PAMR1: variants seen among roughly 807,000 people sequenced by gnomAD.
The protein encoded by PAMR1 is inactive serine protease PAMR1.
In PAMR1, 88 loss-of-function variants were observed where a neutral mutation model predicts 81.8. The ratio of observed to expected loss-of-function variants is 1.08; its 90% CI spans 0.91 to 1.28. The LOEUF (loss-of-function observed/expected upper bound fraction) is 1.28, where lower values mean the gene tolerates loss of function less well. Among genes scored for constraint, PAMR1 ranks in the 50% most tolerant of loss-of-function variants. The probability of loss-of-function intolerance (pLI) is 0.00; values close to 1 mark genes in which losing one functional copy is unlikely to be tolerated. For missense variants in PAMR1, 935 were observed against 919.7 expected, an observed-to-expected ratio of 1.02 and a Z score of -0.21; for synonymous variants, 336 against 345.3, an observed-to-expected ratio of 0.97 and a Z score of 0.30.
intron 3 of PAMR1, among the ~76,000 whole-genome samples, chr11:35,479,325 A>G (rs1850339790): frequency 6.6e-6 from 1 of 152,228 alleles, no homozygotes; most frequent in Non-Finnish European, 1.5e-5. Context: ...TGACTCTAAA[A>G]AAGGCCACTA....
At chr11:35,474,306 C>T (rs1850243732) in intron 4 of PAMR1, among the ~76,000 whole-genome samples, 1 of 152,236 alleles carries the variant, frequency 6.6e-6, no homozygotes, top group Non-Finnish European at 1.5e-5. Flanking sequence ...TATTTCTTTA[C>T]ATCCCTCCCA....
chr11:35,511,199 C>T (rs1349299794), intron 1 of PAMR1, among the ~76,000 whole-genome samples: 2 of 152,220 alleles, frequency 1.3e-5, no homozygotes, highest in Admixed American at 1.3e-4. Context: ...ATGTGCTTTA[C>T]AACTATCCAA....
chr11:35,467,823 A>T (rs1438691826), intron 6 of PAMR1, among the ~76,000 whole-genome samples, 178 bp downstream of exon 6: 1 of 152,196 alleles, frequency 6.6e-6, no homozygotes, highest in Non-Finnish European at 1.5e-5. Context: ...GTTGAAGAGA[A>T]CCTGACTCAG....
intron 1 of PAMR1, among the ~76,000 whole-genome samples, chr11:35,496,163 G>A (rs1850723983): frequency 6.6e-6 from 1 of 152,240 alleles, no homozygotes; most frequent in African/African-American, 2.4e-5. Flanking sequence ...GTGAGGAACA[G>A]CAGAAGGAAA....
chr11:35,492,669 A>G (rs1215511940), intron 2 of PAMR1, among the ~76,000 whole-genome samples: 3 of 152,194 alleles, frequency 2.0e-5, no homozygotes, highest in Non-Finnish European at 4.4e-5. Context: ...TTTGAATTTC[A>G]TAATAGACAG....
intron 6 of PAMR1, among the ~76,000 whole-genome samples, chr11:35,456,990 A>G (rs1419141120): frequency 1.3e-5 from 2 of 152,316 alleles, no homozygotes; most frequent in South Asian, 4.1e-4. Flanking sequence ...ACCCTAAAAT[A>G]TATGTTAGTC....
At chr11:35,438,507 A>C (rs1367994096) in intron 8 of PAMR1, among the ~76,000 whole-genome samples, 1 of 152,246 alleles carries the variant, frequency 6.6e-6, no homozygotes, top group Admixed American at 6.5e-5. Flanking sequence ...TTGCCCAAGA[A>C]TACCCAGCAC....
chr11:35,440,168 A>C (rs1312747846), intron 7 of PAMR1, among the ~76,000 whole-genome samples: 1 of 152,210 alleles, frequency 6.6e-6, no homozygotes, highest in Non-Finnish European at 1.5e-5. Context: ...GGCCCCTAAC[A>C]ATCACTTGAG....
At position 35,525,503 on chromosome 11, in the gene PAMR1, C is replaced by T. The variant is rs758790983; in HGVS notation, c.73+10G>A. 1.9e-6 allele frequency: 3 copies of T among 1,612,756 alleles called. No individual in the cohort carries two copies. Among genetic ancestry groups the T allele is most frequent in the South Asian group, 1.1e-5 (1 of 90,962 alleles). On this transcript the variant is annotated intron_variant, in intron 1 of 10. Transcript: ENST00000619888. ...TCCTCCTAGGGTGTCCCGGACGCTACTCACAGTACCTCTTGGCAAGGACGA... is the reference window on the plus strand; with the variant it reads ...TCCTCCTAGGGTGTCCCGGACGCTATTCACAGTACCTCTTGGCAAGGACGA...
At chr11:35,440,485 A>G (rs1449043469) in intron 7 of PAMR1, among the ~76,000 whole-genome samples, 1 of 152,200 alleles carries the variant, frequency 6.6e-6, no homozygotes, top group South Asian at 2.1e-4. Flanking sequence ...TCCTTTTCCC[A>G]TGATTCAGGT....
At chr11:35,515,208 C>A (rs563685841) in intron 1 of PAMR1, among the ~76,000 whole-genome samples, 1 of 152,300 alleles carries the variant, frequency 6.6e-6, no homozygotes, top group South Asian at 2.1e-4. Context: ...AGTCAGAGTG[C>A]ATTAGGACTA....
chr11:35,460,553 C>T (rs1439490236), intron 6 of PAMR1, among the ~76,000 whole-genome samples: 1 of 152,096 alleles, frequency 6.6e-6, no homozygotes, highest in Non-Finnish European at 1.5e-5. Flanking sequence ...TCAATTCCCA[C>T]CTATGAGTGA....
chr11:35,526,741 G>A (rs138039587), upstream of PAMR1, among the ~76,000 whole-genome samples: 509 of 152,276 alleles, frequency 3.3e-3, 1 homozygote, highest in African/African-American at 0.011. Context: ...ATGCAGAATT[G>A]TATTTCACCA....
At position 35,441,625 on chromosome 11, in the gene PAMR1, G is replaced by A; in HGVS notation, c.889C>T (p.Pro297Ser). The change falls in exon 7 of 11, where the codon CCT (proline) becomes TCT (serine). Residue 297 changes from proline to serine, a missense_variant. Transcript: ENST00000619888. The part of the protein sequence containing the change: ...VNGYQKITGG[P>S]GLINGRHAKI... ...GCATGGCGTCCGTTGATAAGCCCAGGGCCCCCTGTTATTTTCTGGTACCCA... is the reference window on the plus strand; with the variant it reads ...GCATGGCGTCCGTTGATAAGCCCAGAGCCCCCTGTTATTTTCTGGTACCCA... 1 of 1,613,976 alleles carries A rather than the reference G, an allele frequency of 6.2e-7. No individual in the cohort carries two copies. Among genetic ancestry groups the A allele is most frequent in the Non-Finnish European group, 8.5e-7 (1 of 1,179,902 alleles).
chr11:35,518,584 T>C (rs992180417), intron 1 of PAMR1, among the ~76,000 whole-genome samples: 1 of 144,908 alleles, frequency 6.9e-6, no homozygotes, highest in Non-Finnish European at 1.5e-5. Flanking sequence ...CAACTTGAGG[T>C]GATCAGAGAA....
At chr11:35,518,807 C>A (rs1273739107) in intron 1 of PAMR1, among the ~76,000 whole-genome samples, 1 of 152,090 alleles carries the variant, frequency 6.6e-6, no homozygotes, top group African/African-American at 2.4e-5. Context: ...ATTAAGCTAG[C>A]TGGAATTTTT....
At chr11:35,521,082 T>C (rs1851267162) in intron 1 of PAMR1, among the ~76,000 whole-genome samples, 1 of 152,204 alleles carries the variant, frequency 6.6e-6, no homozygotes, top group South Asian at 2.1e-4. Flanking sequence ...AGGTGCTTTG[T>C]TCACAGGTTA....
At chr11:35,525,457 A>T in intron 1 of PAMR1, 56 bp downstream of exon 1, 1 of 1,450,576 alleles carries the variant, frequency 6.9e-7, no homozygotes, top group East Asian at 2.3e-5. Context: ...CCCCAGGAGG[A>T]AAATGCTCCC....
At chr11:35,495,773 C>A (rs1017060664) in intron 1 of PAMR1, among the ~76,000 whole-genome samples, 2 of 152,138 alleles carry the variant, frequency 1.3e-5, no homozygotes, top group Non-Finnish European at 2.9e-5. Context: ...TCTCAATTTT[C>A]CAAGTAGAGC....
Sources: allele counts gnomAD v4.1 joint callset (sites outside exome capture counted in the v4.1 genomes callset), GRCh38; gene constraint gnomAD v4.1.1; transcripts MANE v1.5; gene names NCBI Gene and HGNC (gene_info 2026-07-23, HGNC 2026-07-21).